Variants in ATP10B observed in about 807,000 individuals in gnomAD.
The protein encoded by ATP10B is phospholipid-transporting ATPase VB.
In ATP10B, 122 loss-of-function variants were observed where a neutral mutation model predicts 141.2. That is an observed-to-expected ratio of 0.86 (90% CI 0.75 to 1.00). The LOEUF is 1.00. ATP10B is among the 50% of genes least tolerant of loss of function. The pLI, the probability that ATP10B is intolerant of heterozygous loss-of-function variation, is 0.00. For missense variants in ATP10B, 1,876 were observed against 1,825.3 expected, an observed-to-expected ratio of 1.03 and a Z score of -0.51; for synonymous variants, 685 against 692.0, an observed-to-expected ratio of 0.99 and a Z score of 0.16.
the ATP10B span, among the ~76,000 whole-genome samples, chr5:160,894,430 G>A: frequency 4.6e-5 from 7 of 151,732 alleles, no homozygotes; most frequent in East Asian, 7.8e-4. Flanking sequence ...TAGCCAAATC[G>A]ATCAAGCAGA....
intron 2 of ATP10B, among the ~76,000 whole-genome samples, chr5:160,726,527 G>A (rs774645545): frequency 2.2e-4 from 34 of 152,132 alleles, no homozygotes; most frequent in Non-Finnish European, 1.2e-4. Context: ...TCCCAAGACT[G>A]CTGCAAGAAT....
chr5:160,784,548 TG>T (rs1424018836), intron 2 of ATP10B, among the ~76,000 whole-genome samples: 6 of 152,192 alleles, frequency 3.9e-5, no homozygotes, highest in African/African-American at 1.4e-4. Flanking sequence ...TTGTTGTTGT[TG>T]TTTTTAAGTT....
rs375965252 is a variant in ATP10B at position 160,625,829 on chromosome 5, A to G, written c.1621-3244T>C. 2.6e-5 allele frequency among the ~76,000 whole-genome samples: 4 copies of G among 152,208 alleles called. No homozygotes were observed. In the East Asian group the frequency reaches 5.8e-4, roughly 22 times the overall value. ...AATATTTGTTAACTGACTCCTTTCT[A>G]GGATACCACAATAGCTCACCACTGA... On this transcript the variant is annotated intron_variant, in intron 13 of 25. Transcript: ENST00000327245.
intron 1 of ATP10B, among the ~76,000 whole-genome samples, chr5:160,815,414 G>A (rs186214651): frequency 1.3e-5 from 2 of 152,064 alleles, no homozygotes; most frequent in African/African-American, 4.8e-5. Context: ...AATGGTAAAG[G>A]GATCAATTCA....
intron 5 of ATP10B, 139 bp downstream of exon 5, chr5:160,687,661 A>G (rs2127746707): frequency 1.0e-6 from 1 of 1,002,512 alleles, no homozygotes. Flanking sequence ...GCTATTTGGG[A>G]GGCTGAGGTG....
At chr5:160,589,340 A>T (rs776477160) in intron 24 of ATP10B, among the ~76,000 whole-genome samples, 1 of 152,014 alleles carries the variant, frequency 6.6e-6, no homozygotes, top group Non-Finnish European at 1.5e-5. Flanking sequence ...TCAATTATCT[A>T]TTTTTGCAAC....
At chr5:160,827,327 T>C (rs1283753622) in intron 1 of ATP10B, among the ~76,000 whole-genome samples, 2 of 152,116 alleles carry the variant, frequency 1.3e-5, no homozygotes, top group Admixed American at 6.6e-5. Context: ...GCATCTGTTT[T>C]TTAACTTTTT....
chr5:160,891,462 A>G, the ATP10B span, among the ~76,000 whole-genome samples: 12 of 151,864 alleles, frequency 7.9e-5, no homozygotes, highest in Non-Finnish European at 1.6e-4. Flanking sequence ...TTTATTTTTT[A>G]TTTATTTTCT....
At chr5:160,585,096 CT>C in intron 24 of ATP10B, among the ~76,000 whole-genome samples, 1 of 152,272 alleles carries the variant, frequency 6.6e-6, no homozygotes, top group South Asian at 2.1e-4. Context: ...CTCCATCATT[CT>C]TTTTTCCTCC....
chr5:160,849,449 A>G (rs892345337), intron 1 of ATP10B, among the ~76,000 whole-genome samples: 1 of 152,176 alleles, frequency 6.6e-6, no homozygotes, highest in Non-Finnish European at 1.5e-5. Context: ...ATCACTAATA[A>G]CGAAAGCAGA....
chr5:160,870,764 A>G, the ATP10B span, among the ~76,000 whole-genome samples: 6 of 152,086 alleles, frequency 3.9e-5, no homozygotes, highest in Non-Finnish European at 8.8e-5. Context: ...AAAACAAAAC[A>G]AAAACCTACA....
intron 22 of ATP10B, among the ~76,000 whole-genome samples, chr5:160,598,481 T>C (rs1267841940): frequency 6.6e-6 from 1 of 151,950 alleles, no homozygotes; most frequent in Non-Finnish European, 1.5e-5. Context: ...GGCACATGTA[T>C]ACATATGAAA....
chr5:160,735,758 C>G (rs181767496), intron 2 of ATP10B, among the ~76,000 whole-genome samples: 100 of 152,114 alleles, frequency 6.6e-4, no homozygotes, highest in Admixed American at 2.3e-3. Context: ...CAAAACAAGT[C>G]TTAAAATATG....
the ATP10B span, among the ~76,000 whole-genome samples, chr5:160,906,170 C>G: frequency 6.6e-6 from 1 of 152,258 alleles, no homozygotes; most frequent in Non-Finnish European, 1.5e-5. Context: ...TACAATGGAT[C>G]AAGTACTATG....
chr5:160,565,984 C>T (rs1234705841), intron 25 of ATP10B, 84 bp from the exon 26 acceptor site: 12 of 1,307,038 alleles, frequency 9.2e-6, no homozygotes, highest in Non-Finnish European at 1.3e-5. Flanking sequence ...CTTTAGAATC[C>T]AACTCCCTGC....
rs1280733456 is a variant in ATP10B, at chr5:160,636,209, C to A, written c.1101G>T (p.Met367Ile). 1 of 1,612,182 alleles carries A rather than the reference C, an allele frequency of 6.2e-7. No individual in the cohort carries two copies. Among genetic ancestry groups the A allele is most frequent in the East Asian group, 2.2e-5 (1 of 44,766 alleles). Reference sequence around the variant, plus strand: ...GGAGCAGGATGATCATTGTGAGGAACATGTAGAAGCCCCCAAGGGCACTGG... The same window carrying A: ...GGAGCAGGATGATCATTGTGAGGAAAATGTAGAAGCCCCCAAGGGCACTGG... ...FLPSALGGFYMFLTMIILLQV... is the reference protein window; with the variant it reads ...FLPSALGGFYIFLTMIILLQV... The change falls in exon 11 of 26, where the codon ATG becomes ATT. Residue 367 changes from methionine (M) to isoleucine (I), a missense_variant. Transcript: ENST00000327245.
chr5:160,923,247 C>T, the ATP10B span, among the ~76,000 whole-genome samples: 1 of 152,198 alleles, frequency 6.6e-6, no homozygotes, highest in East Asian at 1.9e-4. Context: ...AACACTTGTG[C>T]ATGATCTTGT....
At chr5:160,772,941 A>G (rs887428669) in intron 2 of ATP10B, among the ~76,000 whole-genome samples, 1 of 152,216 alleles carries the variant, frequency 6.6e-6, no homozygotes, top group African/African-American at 2.4e-5. Context: ...AAAAACCAGG[A>G]CTGTATGGAC....
At position 160,777,705 on chromosome 5, in the gene ATP10B, A is replaced by C. The variant is rs114704695; in HGVS notation, c.-331+7854T>G. Among the ~76,000 whole-genome samples, 879 of 152,330 alleles carry C rather than the reference A, an allele frequency of 5.8e-3. 10 individuals are homozygous for C. The highest frequency in any genetic ancestry group is 0.02 in the African/African-American group (834 of 41,564). On this transcript the variant is annotated intron_variant, in intron 2 of 25. Transcript: ENST00000327245. The stretch of plus-strand genomic sequence containing the variant: ...TATATAATCAGCAAAAAGCTACCAA[A>C]CACCACCAGTGAAAGCCAAGTATTT...
Sources: allele counts gnomAD v4.1 joint callset (sites outside exome capture counted in the v4.1 genomes callset), GRCh38; gene constraint gnomAD v4.1.1; transcripts MANE v1.5; gene names NCBI Gene and HGNC (gene_info 2026-07-23, HGNC 2026-07-21).